The following DYM variants were observed in gnomAD, a reference collection of about 807,000 sequenced individuals.
DYM encodes the protein dyggve-Melchior-Clausen syndrome protein.
DYM carries 78 observed loss-of-function variants against 93.1 expected under a neutral mutation model. The ratio of observed to expected loss-of-function variants is 0.84; its 90% confidence interval spans 0.70 to 1.01. The LOEUF (loss-of-function observed/expected upper bound fraction) is 1.01. Ranked by LOEUF, DYM falls within the 50% of genes least tolerant of loss-of-function variation. The probability of loss-of-function intolerance (pLI) is 0.00; values close to 1 mark genes in which losing one functional copy is unlikely to be tolerated. For missense variants in DYM, 789 were observed against 845.0 expected (o/e 0.93, Z 0.82); for synonymous variants, 321 against 319.7 (o/e 1.00, Z -0.04).
intron 17 of DYM, among the ~76,000 whole-genome samples, chr18:49,078,472 ATATAC>A: frequency 6.6e-6 from 1 of 152,032 alleles, no homozygotes; most frequent in Middle Eastern, 3.2e-3. Context: ...CTCCTCTCCT[ATATAC>A]TATAGTTGTT....
At chr18:49,046,598 A>G (rs1214409522) in intron 17 of DYM, among the ~76,000 whole-genome samples, 1 of 152,126 alleles carries the variant, frequency 6.6e-6, no homozygotes, top group Non-Finnish European at 1.5e-5. Flanking sequence ...ATTTACAGTG[A>G]TTAAGACTAA....
In DYM at chr18:49,367,707, T is replaced by C. The variant is rs555216984; in HGVS notation, c.422-4474A>G. On this transcript the variant is annotated intron_variant, in intron 5 of 17. Coordinates refer to ENST00000675505, the MANE Select transcript of DYM (RefSeq NM_001353214.3). The stretch of plus-strand genomic sequence containing the variant: ...AAAGACAGAGTTTTTGTCTTTGTTT[T>C]CTTTGCGTTCAGAAGGTTGAACTGC... Among the ~76,000 whole-genome samples, 3 of 152,362 alleles carry C rather than the reference T, an allele frequency of 2.0e-5. No individual in the cohort carries two copies. The East Asian group carries it at 5.8e-4, about 29-fold the overall frequency.
chr18:49,212,728 C>T lies in DYM; in HGVS notation c.1461-3013G>A, dbSNP rs536509577. On this transcript the variant is annotated intron_variant, in intron 13 of 17. Coordinates refer to ENST00000675505, the MANE Select transcript of DYM (RefSeq NM_001353214.3). ...CCCAGTCTGGTCTTAAATTCTTGGGCTCAAGTGATCCATCCACCCTGGCCT... is the reference window on the plus strand; with the variant it reads ...CCCAGTCTGGTCTTAAATTCTTGGGTTCAAGTGATCCATCCACCCTGGCCT... 7.2e-4 allele frequency among the ~76,000 whole-genome samples: 110 copies of T among 152,060 alleles called. 1 individual carries two copies. Among genetic ancestry groups the T allele is most frequent in the African/African-American group, 2.6e-3 (109 of 41,472 alleles).
intron 2 of DYM, among the ~76,000 whole-genome samples, chr18:49,410,648 A>C (rs1424153612): frequency 1.8e-5 from 2 of 111,660 alleles, no homozygotes; most frequent in African/African-American, 6.1e-5. Flanking sequence ...TTTCTCTACC[A>C]AAAAAAAAAA....
chr18:49,360,201 A>G (rs975627100), intron 6 of DYM, among the ~76,000 whole-genome samples: 12 of 152,008 alleles, frequency 7.9e-5, no homozygotes, highest in African/African-American at 2.7e-4. Context: ...TTTACTATCT[A>G]AAGGTATTTA....
Position 49,369,439 on chromosome 18 carries a change from C to T in DYM, c.422-6206G>A, listed in dbSNP as rs191247383. ...AACCAAGCCTGAATGCCTTCAGAGA[C>T]CCCTGGCACTTCTGATTCCTAAGAC... On this transcript the variant is annotated intron_variant, in intron 5 of 17. Coordinates refer to ENST00000675505, the MANE Select transcript of DYM (RefSeq NM_001353214.3). 3.9e-5 allele frequency among the ~76,000 whole-genome samples: 6 copies of T among 152,332 alleles called. No homozygotes were observed. In the East Asian group the frequency reaches 1.2e-3, roughly 29 times the overall value.
chr18:49,430,195 A>C, intron 2 of DYM, 60 bp downstream of exon 2: 13 of 1,537,166 alleles, frequency 8.5e-6, no homozygotes, highest in Non-Finnish European at 1.2e-5. Context: ...TTTAATCAGC[A>C]TACCACACAA....
At position 49,186,072 on chromosome 18, in the gene DYM, C is replaced by G. The variant is rs527610390; in HGVS notation, c.1626-22285G>C. On this transcript the variant is annotated intron_variant, in intron 14 of 17. Transcript: ENST00000675505. ...TTATTTAATAATAATGGGATAACCACATCTTGATTTGTCCAGTCCCAGTTT... is the reference window on the plus strand; with the variant it reads ...TTATTTAATAATAATGGGATAACCAGATCTTGATTTGTCCAGTCCCAGTTT... Among the ~76,000 whole-genome samples, 11 of 152,208 alleles carry G rather than the reference C, an allele frequency of 7.2e-5. No homozygotes were observed. In the South Asian group the frequency reaches 2.3e-3, roughly 32 times the overall value.
At chr18:49,386,105 C>T (rs892474049) in intron 3 of DYM, among the ~76,000 whole-genome samples, 2 of 151,980 alleles carry the variant, frequency 1.3e-5, no homozygotes, top group African/African-American at 2.4e-5. Context: ...AGTCACCATG[C>T]CTGGCCAAAA....
At chr18:49,446,983 C>A (rs571880964) in intron 1 of DYM, among the ~76,000 whole-genome samples, 2 of 150,934 alleles carry the variant, frequency 1.3e-5, no homozygotes, top group Non-Finnish European at 2.9e-5. Context: ...CACTTGAAAC[C>A]GGGAGGTAGA....
chr18:49,201,410 T>A (rs2091979704), intron 14 of DYM, among the ~76,000 whole-genome samples: 1 of 152,124 alleles, frequency 6.6e-6, no homozygotes, highest in South Asian at 2.1e-4. Flanking sequence ...TTACCTAAAT[T>A]CAGATTCTTT....
chr18:49,386,491 A>G (rs1208784971), intron 3 of DYM, among the ~76,000 whole-genome samples: 1 of 152,182 alleles, frequency 6.6e-6, no homozygotes, highest in African/African-American at 2.4e-5. Flanking sequence ...TTCCTTCCAC[A>G]AACCTATAAC....
In DYM at chr18:49,044,156, C is replaced by T; in HGVS notation, c.2074G>A (p.Glu692Lys). 2 of 1,614,146 alleles carry T rather than the reference C, an allele frequency of 1.2e-6. No homozygotes were observed. Among genetic ancestry groups the T allele is most frequent in the Non-Finnish European group, 1.7e-6 (2 of 1,179,998 alleles). ...GACCAGACATAGGGGATAAAAAACT[C>T]CTCGGGCTGCTCCTCTTCCACATAT... ...FKYVEEEQPE[E>K]FFIPYVWSLV... Residue 692 changes from glutamate (E) to lysine (K), a missense_variant, in exon 18 of 18, where the codon GAG becomes AAG. Physicochemically the swap from Glu to Lys is moderately conservative, Grantham distance 56. Transcript: ENST00000675505.
At chr18:49,101,393 G>A (rs1481504177) in intron 16 of DYM, among the ~76,000 whole-genome samples, 2 of 152,142 alleles carry the variant, frequency 1.3e-5, no homozygotes, top group African/African-American at 2.4e-5. Context: ...TATGCTATTA[G>A]CTTTGAACAG....
intron 14 of DYM, among the ~76,000 whole-genome samples, chr18:49,176,558 G>A (rs2089401403): frequency 6.8e-6 from 1 of 147,658 alleles, no homozygotes; most frequent in African/African-American, 2.5e-5. Context: ...CAACAGGCAC[G>A]TGTCACCAAG....
chr18:49,096,899 T>C (rs1230842928), intron 17 of DYM, among the ~76,000 whole-genome samples: 2 of 152,214 alleles, frequency 1.3e-5, no homozygotes, highest in Admixed American at 6.5e-5. Context: ...TTTCCAGTTG[T>C]ATGGCTTTGG....
intron 14 of DYM, among the ~76,000 whole-genome samples, chr18:49,195,619 C>A (rs1408382805): frequency 6.6e-6 from 1 of 152,156 alleles, no homozygotes; most frequent in African/African-American, 2.4e-5. Context: ...AGCCAAAGCA[C>A]CCTACCCACT....
Position 49,043,156 on chromosome 18 carries a change from G to GTC in DYM, c.*897_*898dup, listed in dbSNP as rs1327790007. On this transcript the variant is annotated 3_prime_UTR_variant, in exon 18 of 18. Coordinates refer to ENST00000675505, the MANE Select transcript of DYM (RefSeq NM_001353214.3). ...TCTTTTTTTTTTTTTGCGAGACAGG[G>GTC]TCTCACTTTGTGGCTCAGGCTGGAG... The GTC allele has an allele frequency of 6.6e-6, 1 of 151,138 alleles. No homozygotes were observed. Among genetic ancestry groups the GTC allele is most frequent in the Non-Finnish European group, 1.5e-5 (1 of 67,850 alleles). The allele number at this position is 151,138 out of a possible 1,614,324, so 9.4% of individuals were successfully genotyped here.
intron 13 of DYM, among the ~76,000 whole-genome samples, chr18:49,216,143 T>C (rs1418301314): frequency 2.0e-5 from 3 of 152,214 alleles, no homozygotes; most frequent in African/African-American, 7.2e-5. Context: ...GGAGTCTCAC[T>C]GACTGCTAGC....
Sources: allele counts gnomAD v4.1 joint callset (sites outside exome capture counted in the v4.1 genomes callset), GRCh38; gene constraint gnomAD v4.1.1; transcripts MANE v1.5; gene names NCBI Gene and HGNC (gene_info 2026-07-23, HGNC 2026-07-21).